Variants in PRELID2 observed in about 807,000 individuals in gnomAD.
PRELID2 encodes PRELI domain containing 2, also known as PRELI domain-containing protein 2.
PRELID2 carries 25 observed loss-of-function variants against 28.4 expected under a neutral mutation model. The observed-to-expected ratio is 0.88, with a 90% CI of 0.64 to 1.23. The LOEUF (loss-of-function observed/expected upper bound fraction) is 1.23. Among genes scored for constraint, PRELID2 ranks in the 50% most tolerant of loss-of-function variants. PRELID2 has a pLI of 0.00. For synonymous variants in PRELID2, 76 were observed against 71.6 expected (o/e 1.06, Z -0.31); for missense variants, 201 against 214.4 (o/e 0.94, Z 0.39).
intron 1 of PRELID2, among the ~76,000 whole-genome samples, chr5:145,561,310 T>C (rs543990794): frequency 6.6e-6 from 1 of 152,204 alleles, no homozygotes; most frequent in African/African-American, 2.4e-5. Flanking sequence ...ACTTTTTTCT[T>C]CCTTTTTTTT....
At chr5:145,785,629 G>A (rs1311012867) in intron 5 of PRELID2, among the ~76,000 whole-genome samples, 1 of 152,112 alleles carries the variant, frequency 6.6e-6, no homozygotes. Flanking sequence ...TTAGCACAAG[G>A]AATGTTAAAA....
chr5:145,419,643 T>A, the PRELID2 span, among the ~76,000 whole-genome samples: 1 of 151,914 alleles, frequency 6.6e-6, no homozygotes, highest in Admixed American at 6.6e-5. Flanking sequence ...CTTTGTCAGA[T>A]GAGTAGGTTG....
chr5:145,729,169 A>G, intron 1 of PRELID2: 5 of 658,886 alleles, frequency 7.6e-6, no homozygotes, highest in Non-Finnish European at 1.3e-5. Flanking sequence ...AAGTCCTTCA[A>G]AGTATCATTT....
At chr5:145,575,139 GC>G (rs1289723237) in intron 1 of PRELID2, among the ~76,000 whole-genome samples, 2 of 152,092 alleles carry the variant, frequency 1.3e-5, no homozygotes, top group Non-Finnish European at 2.9e-5. Context: ...GACTCATTAG[GC>G]CTGGCTCAGG....
intron 1 of PRELID2, among the ~76,000 whole-genome samples, chr5:145,515,708 T>C (rs1752509833): frequency 6.6e-6 from 1 of 152,132 alleles, no homozygotes; most frequent in South Asian, 2.1e-4. Context: ...TTCAGGCCAA[T>C]ATACCTGATG....
chr5:145,787,139 C>G (rs530564423), intron 5 of PRELID2, among the ~76,000 whole-genome samples: 19 of 151,958 alleles, frequency 1.3e-4, no homozygotes, highest in Admixed American at 7.2e-4. Context: ...AACTCAAAAA[C>G]AAAAAACAAA....
chr5:145,483,595 A>C lies in PRELID2; in HGVS notation n.71-10280T>G, dbSNP rs144558555. 5.0e-3 allele frequency among the ~76,000 whole-genome samples: 769 copies of C among 152,314 alleles called. 7 individuals carry two copies. The highest frequency in any genetic ancestry group is 0.018 in the African/African-American group (740 of 41,566). On this transcript the variant is annotated intron_variant and non_coding_transcript_variant, in intron 1 of 2. Transcript: ENST00000510259. ...TATTTGTGGTAATAACTGAGGCATA[A>C]ACTCCAAGAGGTTGTATTACCAACT...
At chr5:145,448,662 A>G in the PRELID2 span, among the ~76,000 whole-genome samples, 146 of 152,272 alleles carry the variant, frequency 9.6e-4, no homozygotes, top group Middle Eastern at 6.8e-3. Context: ...GTAGTGGAGC[A>G]TGGGCTCTGG....
intron 1 of PRELID2, among the ~76,000 whole-genome samples, chr5:145,575,613 TA>T (rs912661116): frequency 4.8e-4 from 73 of 152,296 alleles, no homozygotes; most frequent in African/African-American, 1.8e-3. Flanking sequence ...GAGGGATTTT[TA>T]AAATAAATAC....
At chr5:145,712,757 G>A (rs1377573243) in intron 1 of PRELID2, among the ~76,000 whole-genome samples, 2 of 151,924 alleles carry the variant, frequency 1.3e-5, no homozygotes, top group Non-Finnish European at 2.9e-5. Flanking sequence ...AAATTTGAAA[G>A]AGCCAATATA....
chr5:145,456,920 A>G, the PRELID2 span, among the ~76,000 whole-genome samples: 1 of 152,240 alleles, frequency 6.6e-6, no homozygotes, highest in African/African-American at 2.4e-5. Flanking sequence ...GCCCATCATC[A>G]ATCAAAAGCA....
chr5:145,244,186 T>G, the PRELID2 span, among the ~76,000 whole-genome samples: 1 of 152,002 alleles, frequency 6.6e-6, no homozygotes, highest in African/African-American at 2.4e-5. Context: ...AACTCCTGAC[T>G]TCAAGTGATC....
chr5:145,284,766 G>A, the PRELID2 span, among the ~76,000 whole-genome samples: 2 of 151,970 alleles, frequency 1.3e-5, no homozygotes, highest in Non-Finnish European at 2.9e-5. Context: ...GGCTGGTTTG[G>A]ATTCTGCTAA....
chr5:145,817,421 T>TTATATATATATATATATATA (rs6149278), intron 4 of PRELID2, among the ~76,000 whole-genome samples: 57 of 103,574 alleles, frequency 5.5e-4, no homozygotes, highest in East Asian at 2.3e-3. Context: ...TAAGCTAGTT[T>TTATATATATATATATATATA]TATATATATA....
intron 1 of PRELID2, among the ~76,000 whole-genome samples, chr5:145,676,235 A>AT (rs1218084417): frequency 5.0e-5 from 7 of 141,218 alleles, no homozygotes; most frequent in African/African-American, 1.5e-4. Context: ...AAAAAAAAAA[A>AT]AAAAAAATAA....
At chr5:145,320,331 C>T in the PRELID2 span, among the ~76,000 whole-genome samples, 4 of 151,096 alleles carry the variant, frequency 2.6e-5, no homozygotes, top group South Asian at 4.2e-4. Context: ...AGTGCAGTGG[C>T]GGGATCTCGG....
In PRELID2 at chr5:145,680,932, G is replaced by C. The variant is rs181894069; in HGVS notation, n.70+83999C>G. On this transcript the variant is annotated intron_variant and non_coding_transcript_variant, in intron 1 of 2. Coordinates refer to the PRELID2 transcript ENST00000510259. ...GCAGAAGGCCCTGTGCTGTTTTTAT[G>C]AGGAGTTCTGACAGCCTGTATCCAG... 1.7e-3 allele frequency among the ~76,000 whole-genome samples: 254 copies of C among 152,304 alleles called. 1 individual carries two copies. The highest frequency in any genetic ancestry group is 5.9e-3 in the African/African-American group (246 of 41,562).
Position 145,818,187 on chromosome 5 carries a change from G to A in PRELID2, c.208-133C>T, listed in dbSNP as rs1031991757. ...CTGATACATGGATGATGGCTCACCA[G>A]TGGCTGTACGTTTTTGATAATCAAA... On this transcript the variant is annotated intron_variant, in intron 3 of 6. Coordinates refer to ENST00000683046, the MANE Select transcript of PRELID2 (RefSeq NM_205846.3). 6.1e-5 allele frequency: 53 copies of A among 875,982 alleles called. No individual in the cohort carries two copies. In the African/African-American group the frequency reaches 7.1e-4, roughly 12 times the overall value. The allele number at this position is 875,982 out of a possible 1,614,324, so 54.3% of individuals were successfully genotyped here.
chr5:145,778,574 G>A (rs533098460), intron 5 of PRELID2, among the ~76,000 whole-genome samples: 1 of 152,342 alleles, frequency 6.6e-6, no homozygotes, highest in South Asian at 2.1e-4. Context: ...ACCAACTGGG[G>A]AAGCTGCTTG....
Sources: allele counts gnomAD v4.1 joint callset (sites outside exome capture counted in the v4.1 genomes callset), GRCh38; gene constraint gnomAD v4.1.1; transcripts MANE v1.5; gene names NCBI Gene and HGNC (gene_info 2026-07-23, HGNC 2026-07-21).